The following NXPE3 variants were observed in gnomAD, a reference collection of about 807,000 sequenced individuals.
NXPE3 encodes the protein neurexophilin and PC-esterase domain family member 3.
A neutral mutation model predicts 46.1 loss-of-function variants in NXPE3; 26 were observed. The ratio of observed to expected loss-of-function variants is 0.56; its 90% CI spans 0.41 to 0.78. NXPE3 has a LOEUF of 0.78. NXPE3 is among the 30% of genes least tolerant of loss of function. The pLI is 0.00. For synonymous variants in NXPE3, 272 were observed against 257.9 expected (o/e 1.05, Z -0.52); for missense variants, 620 against 686.0 (o/e 0.90, Z 1.07).
intron 6 of NXPE3, among the ~76,000 whole-genome samples, chr3:101,814,316 C>G (rs949396809): frequency 2.6e-5 from 4 of 152,210 alleles, no homozygotes; most frequent in Non-Finnish European, 1.5e-5. Context: ...CACTTGATAA[C>G]ATGTTGAGAA....
intron 4 of NXPE3, among the ~76,000 whole-genome samples, chr3:101,788,807 G>T (rs913398266): frequency 2.5e-4 from 38 of 152,056 alleles, no homozygotes; most frequent in African/African-American, 9.2e-4. Context: ...GTAGAGATGG[G>T]GTTTTGCCAT....
intron 4 of NXPE3, among the ~76,000 whole-genome samples, chr3:101,798,393 C>CT (rs1392744757): frequency 1.3e-4 from 19 of 151,886 alleles, no homozygotes; most frequent in African/African-American, 4.6e-4. Flanking sequence ...TTTAATTTTT[C>CT]TTTCTTTTAA....
intron 6 of NXPE3, among the ~76,000 whole-genome samples, chr3:101,811,352 C>T (rs1941696470): frequency 6.6e-6 from 1 of 152,216 alleles, no homozygotes. Flanking sequence ...AGTTATTGAA[C>T]ATTTAGAACA....
chr3:101,794,790 A>T (rs1940728900), intron 4 of NXPE3, among the ~76,000 whole-genome samples: 1 of 152,196 alleles, frequency 6.6e-6, no homozygotes, highest in African/African-American at 2.4e-5. Context: ...TCAGGAAGGA[A>T]TGTTAGAAAA....
intron 4 of NXPE3, among the ~76,000 whole-genome samples, chr3:101,794,887 C>G (rs936326698): frequency 6.6e-6 from 1 of 152,204 alleles, no homozygotes; most frequent in African/African-American, 2.4e-5. Flanking sequence ...ACTAACTCTT[C>G]TCTACTGAAT....
At chr3:101,819,060 C>T (rs533896747) in intron 7 of NXPE3, among the ~76,000 whole-genome samples, 2 of 152,054 alleles carry the variant, frequency 1.3e-5, no homozygotes, top group East Asian at 3.9e-4. Context: ...CCACCTTGCC[C>T]ATCCTATAGG....
chr3:101,782,472 T>C (rs1294624416), intron 2 of NXPE3, among the ~76,000 whole-genome samples, 182 bp downstream of exon 2: 1 of 152,162 alleles, frequency 6.6e-6, no homozygotes, highest in Non-Finnish European at 1.5e-5. Flanking sequence ...GTTACAGTTT[T>C]TTTTTTACAC....
intron 6 of NXPE3, among the ~76,000 whole-genome samples, chr3:101,811,630 G>C (rs1183154277): frequency 6.6e-6 from 1 of 151,900 alleles, no homozygotes; most frequent in South Asian, 2.1e-4. Context: ...AGTAGGTCCC[G>C]TGACTCTTCA....
chr3:101,809,334 G>A (rs1046127014), intron 6 of NXPE3, among the ~76,000 whole-genome samples: 1 of 152,138 alleles, frequency 6.6e-6, no homozygotes, highest in Non-Finnish European at 1.5e-5. Context: ...GACTATGGAA[G>A]GAACCCAGCT....
chr3:101,780,621 G>C (rs1038399025), intron 1 of NXPE3, among the ~76,000 whole-genome samples: 2 of 152,182 alleles, frequency 1.3e-5, no homozygotes, highest in Non-Finnish European at 2.9e-5. Context: ...TTAATTGTTT[G>C]AGTGGGGCCC....
At chr3:101,817,993 C>T (rs899733181) in intron 7 of NXPE3, among the ~76,000 whole-genome samples, 9 of 152,088 alleles carry the variant, frequency 5.9e-5, no homozygotes, top group African/African-American at 9.7e-5. Context: ...TGGGCTCAAG[C>T]GATCCTCCCA....
At chr3:101,779,995 GTAA>G (rs1414215171) in intron 1 of NXPE3, 2 of 152,260 alleles carry the variant, frequency 1.3e-5, no homozygotes, top group Non-Finnish European at 2.9e-5. Flanking sequence ...CACTAGGGTG[GTAA>G]TAAGAGGGGT....
intron 4 of NXPE3, among the ~76,000 whole-genome samples, chr3:101,796,103 C>T (rs893416704): frequency 6.6e-6 from 1 of 152,218 alleles, no homozygotes; most frequent in African/African-American, 2.4e-5. Flanking sequence ...TTCTCATAGT[C>T]CAGAATTGGG....
intron 4 of NXPE3, among the ~76,000 whole-genome samples, chr3:101,790,180 T>C (rs553066433): frequency 6.6e-6 from 1 of 152,226 alleles, no homozygotes; most frequent in Non-Finnish European, 1.5e-5. Flanking sequence ...CTATGTGTAC[T>C]GGAAAGGAAT....
chr3:101,780,834 G>A (rs1159752729), intron 1 of NXPE3, among the ~76,000 whole-genome samples: 2 of 152,202 alleles, frequency 1.3e-5, no homozygotes, highest in African/African-American at 4.8e-5. Flanking sequence ...GCAAGGGAAG[G>A]TCCAGATGAG....
rs1297642580 is a variant in NXPE3 at position 101,822,382 on chromosome 3, T to TC, written c.*430dup. ...GCATCTGCATGCATAGCACAAGTAA[T>TC]CCATCTTCTGGCGGTTAACTAGAGA... is the stretch of plus-strand genomic sequence containing the variant. On this transcript the variant is annotated 3_prime_UTR_variant, in exon 8 of 8. Transcript: ENST00000273347. 1 of 160,726 alleles carries TC rather than the reference T, an allele frequency of 6.2e-6. No individual in the cohort carries two copies. Among genetic ancestry groups the TC allele is most frequent in the Non-Finnish European group, 1.4e-5 (1 of 72,806 alleles). The allele number at this position is 160,726 out of a possible 1,614,324, so 10.0% of individuals were successfully genotyped here.
chr3:101,807,226 T>C, intron 6 of NXPE3, 100 bp downstream of exon 6: 1 of 783,664 alleles, frequency 1.3e-6, no homozygotes. Flanking sequence ...ATGCCATAGT[T>C]ACTTCTGGGC....
chr3:101,794,281 T>C (rs1008348325), intron 4 of NXPE3, among the ~76,000 whole-genome samples: 1 of 152,030 alleles, frequency 6.6e-6, no homozygotes, highest in African/African-American at 2.4e-5. Context: ...CATATAACCT[T>C]TTATAGGACA....
rs1942491977 is a variant in NXPE3, at chr3:101,826,490, A to G, written c.*4536A>G. Reference sequence around the variant, plus strand: ...TATGTCTACAATGTAGTATTAGTGTACTTAGGATTCTTGACACCTCAGTGT... The same window carrying G: ...TATGTCTACAATGTAGTATTAGTGTGCTTAGGATTCTTGACACCTCAGTGT... On this transcript the variant is annotated 3_prime_UTR_variant, in exon 8 of 8. Transcript: ENST00000273347. 1 of 152,190 alleles carries G rather than the reference A, an allele frequency of 6.6e-6. No individual in the cohort carries two copies. Among genetic ancestry groups the G allele is most frequent in the Admixed American group, 6.5e-5 (1 of 15,284 alleles). The allele number at this position is 152,190 out of a possible 1,614,324, so 9.4% of individuals were successfully genotyped here.
Sources: allele counts gnomAD v4.1 joint callset (sites outside exome capture counted in the v4.1 genomes callset), GRCh38; gene constraint gnomAD v4.1.1; transcripts MANE v1.5; gene names NCBI Gene and HGNC (gene_info 2026-07-23, HGNC 2026-07-21).